The following PRKN variants were observed in gnomAD, a reference collection of about 807,000 sequenced individuals.
PRKN encodes parkin RBR E3 ubiquitin protein ligase, also known as E3 ubiquitin-protein ligase parkin.
PRKN carries 56 observed loss-of-function variants against 59.5 expected under a neutral mutation model. That is an observed-to-expected ratio of 0.94 (90% confidence interval 0.76 to 1.18). PRKN has a LOEUF of 1.18. PRKN is among the 50% of genes most tolerant of loss of function. The probability of loss-of-function intolerance (pLI) is 0.00; values close to 1 mark genes in which losing one functional copy is unlikely to be tolerated. For synonymous variants in PRKN, 250 were observed against 222.1 expected, an observed-to-expected ratio of 1.13 and a Z score of -1.12; for missense variants, 657 against 596.4, an observed-to-expected ratio of 1.10 and a Z score of -1.06.
intron 9 of PRKN, among the ~76,000 whole-genome samples, chr6:161,453,085 A>G (rs1031471322): frequency 1.3e-5 from 2 of 152,160 alleles, no homozygotes; most frequent in South Asian, 2.1e-4. Flanking sequence ...GCCATTTTTG[A>G]TAGTTGCAAA....
chr6:162,567,548 T>C (rs961634660), intron 1 of PRKN, among the ~76,000 whole-genome samples: 7 of 152,266 alleles, frequency 4.6e-5, no homozygotes, highest in Non-Finnish European at 1.0e-4. Flanking sequence ...AATTAAATTC[T>C]TAGGAATTAC....
At chr6:162,370,710 GA>G (rs1430307028) in intron 2 of PRKN, among the ~76,000 whole-genome samples, 1 of 152,170 alleles carries the variant, frequency 6.6e-6, no homozygotes, top group Non-Finnish European at 1.5e-5. Flanking sequence ...CACTACAAAT[GA>G]ATACAGTCAT....
In PRKN at chr6:161,405,469, T is replaced by C. The variant is rs896045025; in HGVS notation, c.1084-18592A>G. On this transcript the variant is annotated intron_variant, in intron 9 of 11. Coordinates refer to ENST00000366898, the MANE Select transcript of PRKN (RefSeq NM_004562.3). The surrounding 1 kb of genome is among the most constrained non-coding windows in gnomAD (Gnocchi z 5.1). ...GGCACACATCTGTAATCCCAGCTAC[T>C]TGGGAGGCTGGGGCAGGAGAATTGC... Among the ~76,000 whole-genome samples the C allele has an allele frequency of 2.6e-5, 4 of 151,924 alleles. No individual in the cohort carries two copies. Among genetic ancestry groups the C allele is most frequent in the Non-Finnish European group, 4.4e-5 (3 of 67,990 alleles).
chr6:162,526,081 G>A (rs1279822060), intron 1 of PRKN, among the ~76,000 whole-genome samples: 4 of 151,974 alleles, frequency 2.6e-5, no homozygotes, highest in African/African-American at 7.3e-5. Flanking sequence ...AGGCTCAAGC[G>A]ATCCGCCTGC....
At chr6:162,605,996 A>C (rs1781898610) in intron 1 of PRKN, among the ~76,000 whole-genome samples, 1 of 152,212 alleles carries the variant, frequency 6.6e-6, no homozygotes, top group Admixed American at 6.5e-5. Flanking sequence ...CAGAGATTCA[A>C]AGTTTATTGT....
intron 1 of PRKN, among the ~76,000 whole-genome samples, chr6:162,628,500 G>T (rs1466751233): frequency 1.3e-5 from 2 of 152,108 alleles, no homozygotes; most frequent in Non-Finnish European, 2.9e-5. Flanking sequence ...GTCAGGAAAT[G>T]ATGGAGTAGA....
chr6:162,000,588 C>T (rs1053274065), intron 5 of PRKN, among the ~76,000 whole-genome samples: 4 of 151,928 alleles, frequency 2.6e-5, no homozygotes, highest in African/African-American at 4.8e-5. Flanking sequence ...AATTTTTTCT[C>T]CCAGTCTATG....
intron 5 of PRKN, among the ~76,000 whole-genome samples, chr6:162,018,541 A>G (rs1456483945): frequency 2.6e-5 from 4 of 152,218 alleles, no homozygotes; most frequent in Non-Finnish European, 4.4e-5. Flanking sequence ...TTATGGTAAT[A>G]CGAATTAAGC....
intron 7 of PRKN, among the ~76,000 whole-genome samples, chr6:161,637,063 C>A (rs940916175): frequency 2.6e-5 from 4 of 152,212 alleles, no homozygotes; most frequent in Non-Finnish European, 5.9e-5. Flanking sequence ...TCATAAAAGG[C>A]TTGAAATGAA....
chr6:162,053,181 C>G (rs150776308), intron 5 of PRKN, among the ~76,000 whole-genome samples: 1 of 152,256 alleles, frequency 6.6e-6, no homozygotes, highest in African/African-American at 2.4e-5. Flanking sequence ...TGCCCACTGC[C>G]ATCCTGGTAT....
At chr6:162,302,026 C>T (rs1440256210) in intron 2 of PRKN, among the ~76,000 whole-genome samples, 1 of 152,118 alleles carries the variant, frequency 6.6e-6, no homozygotes, top group Non-Finnish European at 1.5e-5. Context: ...TTTCTCGTGT[C>T]CTTGCATTAA....
At chr6:161,876,644 A>T (rs534402987) in intron 6 of PRKN, among the ~76,000 whole-genome samples, 1 of 152,182 alleles carries the variant, frequency 6.6e-6, no homozygotes, top group Non-Finnish European at 1.5e-5. Flanking sequence ...AAAAGTGTGT[A>T]GTGTCATCCA....
At chr6:161,971,818 C>G (rs542123410) in intron 6 of PRKN, among the ~76,000 whole-genome samples, 111 of 152,250 alleles carry the variant, frequency 7.3e-4, no homozygotes, top group African/African-American at 2.4e-3. Context: ...ATCACGAAAT[C>G]ACAGAGTTTA....
At chr6:162,091,776 C>A (rs1779506152) in intron 4 of PRKN, among the ~76,000 whole-genome samples, 1 of 152,152 alleles carries the variant, frequency 6.6e-6, no homozygotes, top group Non-Finnish European at 1.5e-5. Flanking sequence ...GTGACTCAAT[C>A]CTGTAATCCC....
intron 7 of PRKN, among the ~76,000 whole-genome samples, chr6:161,658,293 G>C (rs1313177361): frequency 6.6e-6 from 1 of 152,026 alleles, no homozygotes; most frequent in Non-Finnish European, 1.5e-5. Context: ...CCGTTAATTG[G>C]AAGTGTTGGT....
chr6:162,315,079 T>A (rs1487454719), intron 2 of PRKN, among the ~76,000 whole-genome samples: 1 of 152,176 alleles, frequency 6.6e-6, no homozygotes, highest in Non-Finnish European at 1.5e-5. Context: ...ACTTTAAAAG[T>A]TAAATTTTTA....
chr6:162,109,638 T>C (rs939816994), intron 4 of PRKN, among the ~76,000 whole-genome samples: 2 of 152,186 alleles, frequency 1.3e-5, no homozygotes, highest in East Asian at 1.9e-4. Flanking sequence ...AGTGAGAAGT[T>C]AGGAGTTACA....
chr6:161,889,563 C>T (rs1795269614), intron 6 of PRKN, among the ~76,000 whole-genome samples: 2 of 152,144 alleles, frequency 1.3e-5, no homozygotes, highest in Admixed American at 1.3e-4. Context: ...GAGGCCAGGT[C>T]AGGTGGTGCT....
chr6:162,700,045 A>G (rs772143155), intron 1 of PRKN, among the ~76,000 whole-genome samples: 12 of 152,134 alleles, frequency 7.9e-5, no homozygotes, highest in Non-Finnish European at 1.3e-4. Flanking sequence ...GCTAACTTCT[A>G]TCTTCCATGT....
Sources: gnomAD v4.1 joint callset for allele counts (sites outside exome capture counted in the v4.1 genomes callset) on GRCh38, gnomAD v4.1.1 for gene constraint, Gnocchi (gnomAD v3.1) non-coding constraint, MANE v1.5 for transcripts, NCBI Gene and HGNC (gene_info 2026-07-23, HGNC 2026-07-21) for gene names.